Variants in HS3ST5 observed in about 807,000 individuals in gnomAD.
HS3ST5 encodes heparan sulfate-glucosamine 3-sulfotransferase 5.
In HS3ST5, 10 loss-of-function variants were observed where a neutral mutation model predicts 25.4. That is an observed-to-expected ratio of 0.39 (90% CI 0.24 to 0.67). HS3ST5 has a LOEUF of 0.67. Ranked by LOEUF, HS3ST5 falls within the 30% of genes least tolerant of loss-of-function variation. HS3ST5 has a pLI of 0.44. For synonymous variants in HS3ST5, 170 were observed against 162.4 expected, an observed-to-expected ratio of 1.05 and a Z score of -0.36; for missense variants, 324 against 420.7, an observed-to-expected ratio of 0.77 and a Z score of 2.01.
intron 3 of HS3ST5, among the ~76,000 whole-genome samples, chr6:114,128,692 A>G (rs1777167753): frequency 6.6e-6 from 1 of 152,246 alleles, no homozygotes; most frequent in Non-Finnish European, 1.5e-5. Context: ...TTGTAATTTA[A>G]TTGAGAGTAC....
chr6:114,155,230 A>G (rs972308676), intron 3 of HS3ST5, among the ~76,000 whole-genome samples: 1 of 152,230 alleles, frequency 6.6e-6, no homozygotes, highest in Admixed American at 6.5e-5. Context: ...TTATCTTGTG[A>G]CTTAATAAAG....
intron 3 of HS3ST5, among the ~76,000 whole-genome samples, chr6:114,127,848 A>C (rs968689289): frequency 1.1e-4 from 17 of 149,280 alleles, no homozygotes; most frequent in African/African-American, 3.9e-4. Flanking sequence ...AAATATATAT[A>C]TATATATAGA....
chr6:114,131,289 A>G (rs1777319974), intron 3 of HS3ST5: 1 of 152,244 alleles, frequency 6.6e-6, no homozygotes, highest in African/African-American at 2.4e-5. Flanking sequence ...TAAGTAGATC[A>G]TATTTCAGGA....
chr6:114,121,834 T>C (rs1244321575), intron 3 of HS3ST5, among the ~76,000 whole-genome samples: 1 of 152,260 alleles, frequency 6.6e-6, no homozygotes, highest in Non-Finnish European at 1.5e-5. Context: ...TATATTTGTT[T>C]ATTTTTAGCA....
intron 3 of HS3ST5, among the ~76,000 whole-genome samples, chr6:114,066,347 A>C (rs1773445427): frequency 6.6e-6 from 1 of 152,210 alleles, no homozygotes; most frequent in South Asian, 2.1e-4. Context: ...GGTATGCATT[A>C]ATCTTGTATT....
intron 1 of HS3ST5, among the ~76,000 whole-genome samples, chr6:114,335,031 G>A (rs1402047647): frequency 1.3e-5 from 2 of 152,212 alleles, no homozygotes; most frequent in African/African-American, 2.4e-5. Flanking sequence ...TGGGTTTTAA[G>A]GCCCAGAAAT....
intron 3 of HS3ST5, among the ~76,000 whole-genome samples, chr6:114,065,995 A>G (rs550125585): frequency 2.0e-5 from 3 of 152,192 alleles, no homozygotes; most frequent in Non-Finnish European, 4.4e-5. Context: ...TCTGGGCTAT[A>G]TCACAGTTCC....
chr6:114,253,702 A>G (rs1772770806), intron 1 of HS3ST5, among the ~76,000 whole-genome samples: 1 of 152,184 alleles, frequency 6.6e-6, no homozygotes, highest in South Asian at 2.1e-4. Flanking sequence ...GAATAACGAG[A>G]TTCAATTAGT....
chr6:114,227,156 CTA>C (rs1771336181), intron 2 of HS3ST5, among the ~76,000 whole-genome samples: 1 of 151,494 alleles, frequency 6.6e-6, no homozygotes. Context: ...AAAAAGTACT[CTA>C]TTATTTTATG....
intron 3 of HS3ST5, among the ~76,000 whole-genome samples, chr6:114,139,172 A>G (rs969119332): frequency 6.6e-6 from 1 of 152,184 alleles, no homozygotes; most frequent in East Asian, 1.9e-4. Flanking sequence ...ATGTGCTTAT[A>G]TTGTTCTCAC....
At chr6:114,195,221 A>C (rs1283444501) in intron 2 of HS3ST5, among the ~76,000 whole-genome samples, 1 of 152,174 alleles carries the variant, frequency 6.6e-6, no homozygotes, top group Non-Finnish European at 1.5e-5. Context: ...CAGTCAAGAG[A>C]TCTTTTCTAG....
At chr6:114,136,349 G>A (rs78795467) in intron 3 of HS3ST5, among the ~76,000 whole-genome samples, 9 of 152,146 alleles carry the variant, frequency 5.9e-5, no homozygotes, top group Non-Finnish European at 1.2e-4. Context: ...CAGTTCCCCT[G>A]CACACACTCT....
intron 3 of HS3ST5, among the ~76,000 whole-genome samples, chr6:114,098,864 A>T (rs1353962944): frequency 6.6e-6 from 1 of 152,126 alleles, no homozygotes; most frequent in East Asian, 1.9e-4. Flanking sequence ...ACATACACAC[A>T]TATATGTGTA....
At chr6:114,126,689 A>G (rs75104115) in intron 3 of HS3ST5, among the ~76,000 whole-genome samples, 4,097 of 152,212 alleles carry the variant, frequency 0.027, 77 homozygotes, top group Non-Finnish European at 0.042. Flanking sequence ...TGTCACTGCA[A>G]CTCATCTGTA....
chr6:114,190,112 C>G (rs1780425277), intron 2 of HS3ST5, among the ~76,000 whole-genome samples: 2 of 152,220 alleles, frequency 1.3e-5, no homozygotes, highest in Admixed American at 1.3e-4. Flanking sequence ...TTTGTTTACT[C>G]TTCTGCCTAA....
intron 1 of HS3ST5, among the ~76,000 whole-genome samples, chr6:114,277,896 TA>T (rs1483402722): frequency 4.6e-5 from 7 of 152,160 alleles, no homozygotes; most frequent in Admixed American, 6.6e-5. Context: ...AAAAGATGAC[TA>T]TTTTTTTTAC....
At chr6:114,285,091 C>G (rs528387347) in intron 1 of HS3ST5, among the ~76,000 whole-genome samples, 1 of 152,042 alleles carries the variant, frequency 6.6e-6, no homozygotes, top group African/African-American at 2.4e-5. Flanking sequence ...GAATTGAAAT[C>G]AGGATCTTGA....
At chr6:114,262,615 TTAAAA>T (rs1191224258) in intron 1 of HS3ST5, among the ~76,000 whole-genome samples, 5 of 152,164 alleles carry the variant, frequency 3.3e-5, no homozygotes, top group Admixed American at 1.3e-4. Context: ...TCCTCTCACT[TTAAAA>T]TGAAATGAAA....
intron 1 of HS3ST5, among the ~76,000 whole-genome samples, chr6:114,263,962 C>T (rs911944793): frequency 6.6e-6 from 1 of 151,670 alleles, no homozygotes; most frequent in Non-Finnish European, 1.5e-5. Flanking sequence ...GCATAAAGAA[C>T]ATAAAGAGTC....
Sources: allele counts gnomAD v4.1 joint callset (sites outside exome capture counted in the v4.1 genomes callset), GRCh38; gene constraint gnomAD v4.1.1; transcripts MANE v1.5; gene names NCBI Gene and HGNC (gene_info 2026-07-23, HGNC 2026-07-21).